Variants in DPP6 observed in about 807,000 individuals in gnomAD.
DPP6 encodes the protein dipeptidyl peptidase like 6, also known as A-type potassium channel modulatory protein DPP6.
DPP6 carries 69 observed loss-of-function variants against 122.6 expected under a neutral mutation model. The observed-to-expected ratio is 0.56, with a 90% CI of 0.46 to 0.69. The LOEUF (loss-of-function observed/expected upper bound fraction) is 0.69, where lower values mean the gene tolerates loss of function less well. DPP6 is among the 30% of genes least tolerant of loss of function. The probability of loss-of-function intolerance (pLI) is 0.00; values close to 1 mark genes in which losing one functional copy is unlikely to be tolerated. For synonymous variants in DPP6, 418 were observed against 433.1 expected (o/e 0.97, Z 0.43); for missense variants, 928 against 1,116.9 (o/e 0.83, Z 2.41).
the DPP6 span, among the ~76,000 whole-genome samples, chr7:153,786,740 G>GGAAAAAA: frequency 3.1e-4 from 10 of 31,782 alleles, no homozygotes; most frequent in African/African-American, 1.0e-3. Context: ...CTCCGTCTCA[G>GGAAAAAA]AAAAAAAAAA....
intron 1 of DPP6, among the ~76,000 whole-genome samples, chr7:154,298,491 T>C (rs1167418146): frequency 3.3e-5 from 5 of 152,192 alleles, no homozygotes; most frequent in Non-Finnish European, 7.3e-5. Flanking sequence ...TCCACATTCT[T>C]ATTTTTCTTA....
intron 6 of DPP6, among the ~76,000 whole-genome samples, chr7:154,662,884 T>A (rs1837843673): frequency 1.9e-5 from 1 of 52,022 alleles, no homozygotes; most frequent in Non-Finnish European, 5.4e-5. Flanking sequence ...CATATAGTCA[T>A]GGTGAATCAC....
intron 1 of DPP6, among the ~76,000 whole-genome samples, chr7:154,145,896 T>C (rs1746584169): frequency 1.3e-4 from 1 of 7,554 alleles, no homozygotes; most frequent in Admixed American, 1.1e-3. Context: ...TGTTGGAACA[T>C]CCATACAGAA....
chr7:154,340,104 A>G (rs1285377923), intron 1 of DPP6, among the ~76,000 whole-genome samples: 3 of 152,138 alleles, frequency 2.0e-5, no homozygotes, highest in Admixed American at 1.3e-4. Context: ...GTGGTTGACC[A>G]TTAGAAACAC....
chr7:154,467,823 ATCTC>A (rs1821921785), intron 2 of DPP6, among the ~76,000 whole-genome samples: 1 of 152,162 alleles, frequency 6.6e-6, no homozygotes, highest in South Asian at 2.1e-4. Context: ...AGATACTTTC[ATCTC>A]TATGTTTGCC....
At chr7:154,243,361 A>AT (rs1801768060) in intron 1 of DPP6, among the ~76,000 whole-genome samples, 1 of 152,192 alleles carries the variant, frequency 6.6e-6, no homozygotes, top group Non-Finnish European at 1.5e-5. Flanking sequence ...TAAGGCAGTT[A>AT]TAAATATAGC....
chr7:154,043,297 G>A (rs1799854831), intron 1 of DPP6, among the ~76,000 whole-genome samples: 1 of 148,820 alleles, frequency 6.7e-6, no homozygotes, highest in African/African-American at 2.5e-5. Flanking sequence ...GGAGTCTGAG[G>A]CAGGAGAATC....
In DPP6 at chr7:154,853,768, T is replaced by C; in HGVS notation, c.1667-12T>C. 6.2e-7 allele frequency: 1 copy of C among 1,612,092 alleles called. No individual in the cohort carries two copies. On this transcript the variant is annotated splice_polypyrimidine_tract_variant and intron_variant, in intron 16 of 25. Coordinates refer to ENST00000377770, the MANE Select transcript of DPP6 (RefSeq NM_130797.4). ...TTTTGTTTTCTTCCTGGCTATTCTC[T>C]ACCCAACACAGGTCCTGGTGTTCCT... is the stretch of plus-strand genomic sequence containing the variant.
chr7:154,176,669 C>A (rs1797816678), intron 1 of DPP6, among the ~76,000 whole-genome samples: 2 of 152,276 alleles, frequency 1.3e-5, no homozygotes, highest in Non-Finnish European at 2.9e-5. Context: ...CCTGGACTCT[C>A]CAATGCGCTG....
At chr7:153,780,069 A>G in the DPP6 span, among the ~76,000 whole-genome samples, 2 of 151,760 alleles carry the variant, frequency 1.3e-5, no homozygotes, top group African/African-American at 2.4e-5. Context: ...AAGAGTATAT[A>G]TAAGAAGACA....
intron 1 of DPP6, among the ~76,000 whole-genome samples, chr7:153,964,913 C>CCTTCCTTTCTTT (rs1795587766): frequency 8.8e-6 from 1 of 113,366 alleles, no homozygotes; most frequent in Admixed American, 9.8e-5. Context: ...CTTTTCTTTT[C>CCTTCCTTTCTTT]CTTTCTTTCT....
chr7:154,332,825 G>A (rs1809069393), intron 1 of DPP6, among the ~76,000 whole-genome samples: 1 of 152,140 alleles, frequency 6.6e-6, no homozygotes, highest in Non-Finnish European at 1.5e-5. Context: ...GGGAAGGTGC[G>A]TTTGGCCATT....
At chr7:154,676,275 T>TGG (rs1838900585) in intron 7 of DPP6, among the ~76,000 whole-genome samples, 16 of 148,036 alleles carry the variant, frequency 1.1e-4, no homozygotes, top group Middle Eastern at 3.6e-3. Flanking sequence ...GGGCGTGCTG[T>TGG]CTGGAGGTCC....
intron 8 of DPP6, among the ~76,000 whole-genome samples, chr7:154,733,192 C>G (rs1308721281): frequency 6.6e-6 from 1 of 152,250 alleles, no homozygotes; most frequent in Non-Finnish European, 1.5e-5. Context: ...GGGGATGTGG[C>G]TAGTCTGGCC....
chr7:154,271,426 C>T (rs1417844353), intron 1 of DPP6, among the ~76,000 whole-genome samples: 2 of 152,166 alleles, frequency 1.3e-5, no homozygotes, highest in African/African-American at 4.8e-5. Context: ...TTGCTATTTT[C>T]CATCATACAG....
intron 1 of DPP6, among the ~76,000 whole-genome samples, chr7:154,202,419 A>G (rs761178430): frequency 1.3e-5 from 2 of 152,204 alleles, no homozygotes; most frequent in Non-Finnish European, 2.9e-5. Context: ...CATTTCTGTG[A>G]AAATGCAAGC....
In DPP6 at chr7:154,282,172, T is replaced by C. The variant is rs964390915; in HGVS notation, c.244-164042T>C. On this transcript the variant is annotated intron_variant, in intron 1 of 25. Coordinates refer to ENST00000377770, the MANE Select transcript of DPP6 (RefSeq NM_130797.4). This position sits in a 1 kb window ranked among gnomAD's most constrained non-coding sequence, Gnocchi z 4.8. ...GTTCTAACCATCTATAATTTTATTC[T>C]TTTTTCCCCTCCCTATTCCATTCTC... Among the ~76,000 whole-genome samples, 3 of 152,132 alleles carry C rather than the reference T, an allele frequency of 2.0e-5. No individual in the cohort carries two copies. The highest frequency in any genetic ancestry group is 4.4e-5 in the Non-Finnish European group (3 of 68,034).
At chr7:154,751,876 G>A (rs1231942101) in intron 8 of DPP6, among the ~76,000 whole-genome samples, 2 of 152,152 alleles carry the variant, frequency 1.3e-5, no homozygotes, top group African/African-American at 4.8e-5. Flanking sequence ...TGCTGGGGGA[G>A]GGGAAGGAGG....
Position 154,446,309 on chromosome 7 carries a change from G to C in DPP6, c.339G>C (p.Ser113=). Residue 113 remains serine, a synonymous_variant, in exon 2 of 26, where the codon TCG becomes TCC. Transcript: ENST00000377770. ...ILVICSLIVT[S]VILLTPAEDN... ...TCATCTGCTCCTTGATCGTCACCTCGGTCATACTTCTGACACCAGGTACTG... is the reference window on the plus strand; with the variant it reads ...TCATCTGCTCCTTGATCGTCACCTCCGTCATACTTCTGACACCAGGTACTG... The C allele has an allele frequency of 6.2e-7, 1 of 1,611,606 alleles. No homozygotes were observed. Among genetic ancestry groups the C allele is most frequent in the Non-Finnish European group, 8.5e-7 (1 of 1,178,614 alleles).
Sources: allele counts gnomAD v4.1 joint callset (sites outside exome capture counted in the v4.1 genomes callset), GRCh38; gene constraint gnomAD v4.1.1; non-coding constraint Gnocchi (gnomAD v3.1); transcripts MANE v1.5; gene names NCBI Gene and HGNC (gene_info 2026-07-23, HGNC 2026-07-21).